Variants in DYNC1I1 observed in about 807,000 individuals in gnomAD.
The protein encoded by DYNC1I1 is dynein cytoplasmic 1 intermediate chain 1, also known as cytoplasmic dynein 1 intermediate chain 1.
In DYNC1I1, 43 loss-of-function variants were observed where a neutral mutation model predicts 86.6. The observed-to-expected ratio is 0.50, with a 90% CI of 0.39 to 0.64. The LOEUF (loss-of-function observed/expected upper bound fraction) is 0.64. DYNC1I1 is among the 30% of genes least tolerant of loss of function. DYNC1I1 has a pLI of 0.00. For synonymous variants in DYNC1I1, 262 were observed against 283.7 expected (o/e 0.92, Z 0.77); for missense variants, 604 against 788.8 (o/e 0.77, Z 2.81).
intron 16 of DYNC1I1, among the ~76,000 whole-genome samples, chr7:96,084,282 A>G (rs1790610208): frequency 6.7e-6 from 1 of 149,504 alleles, no homozygotes; most frequent in Non-Finnish European, 1.5e-5. Context: ...CCTGTCAACT[A>G]GAGTGTTACT....
At chr7:96,106,757 T>C (rs1259584706) in intron 16 of DYNC1I1, among the ~76,000 whole-genome samples, 1 of 152,206 alleles carries the variant, frequency 6.6e-6, no homozygotes, top group Non-Finnish European at 1.5e-5. Context: ...AGTTTGATTC[T>C]GCTTAGTGAG....
intron 6 of DYNC1I1, among the ~76,000 whole-genome samples, chr7:95,911,824 G>A (rs974025850): frequency 2.0e-5 from 3 of 152,028 alleles, no homozygotes; most frequent in Admixed American, 6.6e-5. Flanking sequence ...ACTTTAAAGG[G>A]GGCTATCCTA....
At chr7:95,999,146 G>C (rs1344952289) in intron 10 of DYNC1I1, among the ~76,000 whole-genome samples, 1 of 152,162 alleles carries the variant, frequency 6.6e-6, no homozygotes, top group African/African-American at 2.4e-5. Flanking sequence ...TGCTCCTGCT[G>C]TCTTCTGTAG....
At chr7:96,053,017 C>T (rs1789450716) in intron 14 of DYNC1I1, among the ~76,000 whole-genome samples, 1 of 152,128 alleles carries the variant, frequency 6.6e-6, no homozygotes, top group Non-Finnish European at 1.5e-5. Flanking sequence ...TCCAGAGTAA[C>T]CCCTGGATAC....
At chr7:96,065,353 C>T (rs1789938221) in intron 14 of DYNC1I1, among the ~76,000 whole-genome samples, 1 of 150,796 alleles carries the variant, frequency 6.6e-6, no homozygotes, top group Non-Finnish European at 1.5e-5. Flanking sequence ...CCATCCTCCC[C>T]ACTCTTTTCT....
intron 6 of DYNC1I1, among the ~76,000 whole-genome samples, chr7:95,934,922 T>G (rs1415873239): frequency 4.0e-5 from 6 of 151,776 alleles, no homozygotes; most frequent in African/African-American, 1.4e-4. Context: ...TGTTCTTCGT[T>G]TTTTTTTGTT....
At chr7:95,798,315 A>C (rs1794494171) in intron 1 of DYNC1I1, among the ~76,000 whole-genome samples, 1 of 151,746 alleles carries the variant, frequency 6.6e-6, no homozygotes. Flanking sequence ...CTCCCTCCTG[A>C]GATGTCTATC....
chr7:96,065,814 G>A (rs1053745041), intron 14 of DYNC1I1, among the ~76,000 whole-genome samples: 2 of 152,110 alleles, frequency 1.3e-5, no homozygotes, highest in Non-Finnish European at 2.9e-5. Context: ...GTCTCTACCA[G>A]AGACTCAAAT....
At chr7:95,915,906 C>T (rs774887942) in intron 6 of DYNC1I1, among the ~76,000 whole-genome samples, 8 of 152,122 alleles carry the variant, frequency 5.3e-5, no homozygotes, top group Non-Finnish European at 7.4e-5. Context: ...AGTGAAACTG[C>T]GCTTGGTAGT....
At chr7:96,026,950 T>G (rs1325583057) in intron 10 of DYNC1I1, among the ~76,000 whole-genome samples, 1 of 152,208 alleles carries the variant, frequency 6.6e-6, no homozygotes, top group African/African-American at 2.4e-5. Flanking sequence ...GGCTGCTACT[T>G]GGGTGTGCAA....
At chr7:95,925,270 C>T (rs1266591159) in intron 6 of DYNC1I1, among the ~76,000 whole-genome samples, 2 of 152,242 alleles carry the variant, frequency 1.3e-5, no homozygotes, top group Non-Finnish European at 2.9e-5. Context: ...AAATTTGTGT[C>T]TAATCACCCC....
chr7:95,980,993 T>G (rs1793444899), intron 7 of DYNC1I1, among the ~76,000 whole-genome samples: 1 of 152,198 alleles, frequency 6.6e-6, no homozygotes, highest in South Asian at 2.1e-4. Flanking sequence ...TCTAATGTTT[T>G]TCCTGGCTAC....
chr7:96,035,163 A>G (rs1794901107), intron 12 of DYNC1I1, among the ~76,000 whole-genome samples: 1 of 152,196 alleles, frequency 6.6e-6, no homozygotes, highest in African/African-American at 2.4e-5. Context: ...CTGAGTGACA[A>G]CTTTCTGGTT....
At chr7:95,798,457 G>A (rs1430802997) in intron 1 of DYNC1I1, among the ~76,000 whole-genome samples, 1 of 151,804 alleles carries the variant, frequency 6.6e-6, no homozygotes, top group African/African-American at 2.4e-5. Context: ...GGTGAAATGG[G>A]GCTGTGAAAG....
intron 5 of DYNC1I1, among the ~76,000 whole-genome samples, chr7:95,838,482 C>G (rs952904987): frequency 6.6e-5 from 10 of 152,150 alleles, no homozygotes; most frequent in African/African-American, 2.2e-4. Context: ...TGTGATACCT[C>G]TTGAGAATAC....
At chr7:95,895,729 A>T (rs1278459110) in intron 6 of DYNC1I1, among the ~76,000 whole-genome samples, 1 of 152,256 alleles carries the variant, frequency 6.6e-6, no homozygotes, top group Admixed American at 6.5e-5. Flanking sequence ...ATTAGCAAAA[A>T]AAAAGTGAGA....
chr7:96,040,533 T>C (rs1459515977), intron 14 of DYNC1I1, among the ~76,000 whole-genome samples: 1 of 152,078 alleles, frequency 6.6e-6, no homozygotes, highest in Non-Finnish European at 1.5e-5. Flanking sequence ...TAGCACTCAC[T>C]GCACTGGAGA....
At chr7:96,015,916 T>C (rs1794389635) in intron 10 of DYNC1I1, among the ~76,000 whole-genome samples, 1 of 152,194 alleles carries the variant, frequency 6.6e-6, no homozygotes, top group Admixed American at 6.5e-5. Context: ...AAGTTCTTTT[T>C]AGTACTTCAA....
chr7:95,933,688 G>A (rs561543372), intron 6 of DYNC1I1, among the ~76,000 whole-genome samples: 14 of 152,168 alleles, frequency 9.2e-5, no homozygotes, highest in African/African-American at 3.4e-4. Flanking sequence ...ACATGACACT[G>A]CACTGAAGGC....
Sources: gnomAD v4.1 joint callset for allele counts (sites outside exome capture counted in the v4.1 genomes callset) on GRCh38, gnomAD v4.1.1 for gene constraint, MANE v1.5 for transcripts, NCBI Gene and HGNC (gene_info 2026-07-23, HGNC 2026-07-21) for gene names.